The following CTNNA2 variants were observed in gnomAD, a reference collection of about 807,000 sequenced individuals.
CTNNA2 encodes catenin alpha-2.
A neutral mutation model predicts 101.0 loss-of-function variants in CTNNA2; 42 were observed. The observed-to-expected ratio is 0.42, with a 90% CI of 0.32 to 0.54. The LOEUF (loss-of-function observed/expected upper bound fraction) is 0.54. CTNNA2 is among the 20% of genes least tolerant of loss of function. CTNNA2 has a pLI of 0.14. For synonymous variants in CTNNA2, 450 were observed against 456.4 expected (o/e 0.99, Z 0.18); for missense variants, 871 against 1,223.1 (o/e 0.71, Z 4.29).
At chr2:80,330,773 C>T (rs915447872) in intron 7 of CTNNA2, among the ~76,000 whole-genome samples, 8 of 152,176 alleles carry the variant, frequency 5.3e-5, no homozygotes, top group African/African-American at 1.4e-4. Flanking sequence ...ACTATAGCAA[C>T]GGCTCCACCA....
At chr2:80,260,746 A>G (rs1181136776) in intron 7 of CTNNA2, among the ~76,000 whole-genome samples, 2 of 152,202 alleles carry the variant, frequency 1.3e-5, no homozygotes, top group Non-Finnish European at 2.9e-5. Context: ...AACCCACGTC[A>G]CATGTTAAAA....
chr2:80,092,652 A>G (rs1484212073), intron 7 of CTNNA2, among the ~76,000 whole-genome samples: 1 of 152,080 alleles, frequency 6.6e-6, no homozygotes, highest in East Asian at 1.9e-4. Context: ...CAGGAAGACA[A>G]GATCATTGCC....
rs577247141 is a variant in CTNNA2 at position 79,221,616 on chromosome 2, T to TA, written c.-406+23546dup. ...GCTAGCTTGGCAAATTTTTTTTTTT[T>TA]AAAAAACTGACAAGTCTGTATTGTC... On this transcript the variant is annotated intron_variant, in intron 2 of 21. Transcript: ENST00000466387. 5.3e-3 allele frequency among the ~76,000 whole-genome samples: 803 copies of TA among 151,942 alleles called. 7 individuals carry two copies. The highest frequency in any genetic ancestry group is 0.017 in the African/African-American group (713 of 41,462).
intron 7 of CTNNA2, among the ~76,000 whole-genome samples, chr2:80,152,852 T>C (rs1703789670): frequency 1.3e-5 from 2 of 152,202 alleles, no homozygotes; most frequent in South Asian, 4.1e-4. Context: ...CAGAAATCTT[T>C]GGACATGATT....
chr2:79,197,182 C>A (rs1348033375), intron 1 of CTNNA2, among the ~76,000 whole-genome samples: 2 of 152,162 alleles, frequency 1.3e-5, no homozygotes, highest in East Asian at 3.9e-4. Context: ...ATAAAGAGCA[C>A]CCGAATTAGA....
chr2:80,157,759 C>T (rs923601999), intron 7 of CTNNA2, among the ~76,000 whole-genome samples: 2 of 151,952 alleles, frequency 1.3e-5, no homozygotes, highest in Non-Finnish European at 2.9e-5. Context: ...GTGACATGTG[C>T]TATCCCTTGA....
At chr2:80,251,523 C>A (rs1273681564) in intron 7 of CTNNA2, among the ~76,000 whole-genome samples, 1 of 152,122 alleles carries the variant, frequency 6.6e-6, no homozygotes, top group African/African-American at 2.4e-5. Context: ...AGCAGGCTCC[C>A]ATGGAACCAG....
intron 7 of CTNNA2, among the ~76,000 whole-genome samples, chr2:80,120,867 CT>C (rs1701791177): frequency 6.6e-6 from 1 of 152,112 alleles, no homozygotes; most frequent in Non-Finnish European, 1.5e-5. Flanking sequence ...GTTTAATTGC[CT>C]TGGAACAGTT....
At chr2:79,600,846 C>T (rs988415932) in intron 1 of CTNNA2, among the ~76,000 whole-genome samples, 1 of 151,984 alleles carries the variant, frequency 6.6e-6, no homozygotes, top group Non-Finnish European at 1.5e-5. Flanking sequence ...TGTGTTCCCA[C>T]GCAACAGGGA....
intron 7 of CTNNA2, among the ~76,000 whole-genome samples, chr2:79,997,319 G>T (rs1335974056): frequency 6.7e-6 from 1 of 150,270 alleles, no homozygotes; most frequent in Non-Finnish European, 1.5e-5. Context: ...GAGAAAAAAA[G>T]AGAGGGAGGG....
chr2:80,365,406 T>C (rs1674823596), intron 7 of CTNNA2, among the ~76,000 whole-genome samples: 1 of 152,148 alleles, frequency 6.6e-6, no homozygotes. Context: ...GGTTGTAAAA[T>C]CTTGTTTTTG....
intron 2 of CTNNA2, among the ~76,000 whole-genome samples, chr2:79,717,792 G>A (rs528074556): frequency 8.1e-4 from 123 of 152,284 alleles, no homozygotes; most frequent in Non-Finnish European, 1.4e-3. Context: ...TAGGGCCAAC[G>A]TCAGAGACTG....
intron 6 of CTNNA2, among the ~76,000 whole-genome samples, chr2:79,877,978 C>G (rs118102837): frequency 1.3e-5 from 2 of 152,200 alleles, no homozygotes; most frequent in South Asian, 4.2e-4. Flanking sequence ...GCCCCCACCC[C>G]GCAACAGTCC....
At chr2:79,817,034 G>T (rs1179031604) in intron 3 of CTNNA2, among the ~76,000 whole-genome samples, 1 of 151,286 alleles carries the variant, frequency 6.6e-6, no homozygotes, top group Non-Finnish European at 1.5e-5. Flanking sequence ...TTTATTGCCT[G>T]TTTTTTTAAT....
chr2:79,449,586 T>G (rs1408453401), intron 4 of CTNNA2, among the ~76,000 whole-genome samples: 1 of 152,084 alleles, frequency 6.6e-6, no homozygotes, highest in African/African-American at 2.4e-5. Flanking sequence ...GTTTACTGGA[T>G]AGAGGAAAAA....
intron 7 of CTNNA2, among the ~76,000 whole-genome samples, chr2:80,132,530 T>C (rs556371281): frequency 6.6e-6 from 1 of 152,304 alleles, no homozygotes; most frequent in Non-Finnish European, 1.5e-5. Context: ...ATGGGTGGTG[T>C]AAGGGCTTTA....
chr2:80,034,233 T>C (rs983641838), intron 7 of CTNNA2, among the ~76,000 whole-genome samples: 48 of 151,060 alleles, frequency 3.2e-4, no homozygotes, highest in African/African-American at 1.1e-3. Context: ...ATTTTGGAAA[T>C]CATGAAGAAA....
At chr2:80,430,864 GT>G (rs1415342195) in intron 9 of CTNNA2, among the ~76,000 whole-genome samples, 3 of 152,020 alleles carry the variant, frequency 2.0e-5, no homozygotes, top group Admixed American at 2.0e-4. Flanking sequence ...ATATATGTAT[GT>G]TTTCTCTTGT....
intron 7 of CTNNA2, among the ~76,000 whole-genome samples, chr2:80,083,347 A>C (rs1435814466): frequency 2.6e-5 from 4 of 152,264 alleles, no homozygotes; most frequent in Admixed American, 6.5e-5. Flanking sequence ...TTAATCTACT[A>C]GGTTCTATTA....
Sources: allele counts gnomAD v4.1 joint callset (sites outside exome capture counted in the v4.1 genomes callset), GRCh38; gene constraint gnomAD v4.1.1; transcripts MANE v1.5; gene names NCBI Gene and HGNC (gene_info 2026-07-23, HGNC 2026-07-21).